Variants in PLAAT1 observed in about 807,000 individuals in gnomAD.
PLAAT1 encodes the protein phospholipase A and acyltransferase 1.
PLAAT1 carries 13 observed loss-of-function variants against 16.4 expected under a neutral mutation model. The observed-to-expected ratio is 0.79, with a 90% CI of 0.52 to 1.26. The LOEUF (loss-of-function observed/expected upper bound fraction) is 1.26, where lower values mean the gene tolerates loss of function less well. PLAAT1 is among the 50% of genes most tolerant of loss of function. The pLI, the probability that PLAAT1 is intolerant of heterozygous loss-of-function variation, is 0.00. For synonymous variants in PLAAT1, 73 were observed against 78.4 expected, an observed-to-expected ratio of 0.93 and a Z score of 0.36; for missense variants, 218 against 207.8, an observed-to-expected ratio of 1.05 and a Z score of -0.30.
chr3:193,256,809 A>T (rs748492383), intron 2 of PLAAT1, among the ~76,000 whole-genome samples: 1 of 152,182 alleles, frequency 6.6e-6, no homozygotes, highest in Non-Finnish European at 1.5e-5. Flanking sequence ...CTGTGTAAGG[A>T]TATTCACTTC....
At chr3:193,254,792 G>T (rs760885800) in intron 1 of PLAAT1, among the ~76,000 whole-genome samples, 25 of 152,266 alleles carry the variant, frequency 1.6e-4, no homozygotes, top group Non-Finnish European at 2.8e-4. Context: ...ATGAAAATCT[G>T]TGATGGCATT....
In PLAAT1 at chr3:193,262,962, C is replaced by G; in HGVS notation, c.140-8C>G. 1 of 1,613,896 alleles carries G rather than the reference C, an allele frequency of 6.2e-7. No individual in the cohort carries two copies. Among genetic ancestry groups the G allele is most frequent in the South Asian group, 1.1e-5 (1 of 91,056 alleles). ...CTATACCTTACTAACCAGAATTCTA[C>G]TTTATAGATGGCATTCCTGCGTCCT... On this transcript the variant is annotated splice_polypyrimidine_tract_variant and splice_region_variant and intron_variant, in intron 2 of 3. Coordinates refer to ENST00000264735, the MANE Select transcript of PLAAT1 (RefSeq NM_020386.5).
chr3:193,241,281 C>A lies in PLAAT1; in HGVS notation c.-253C>A, dbSNP rs1370922507. ...CGCCGAGCCCAGCGCGTCGGCCCCC[C>A]GGCGTGCGGGCGTCTCAGAGCCGCG... On this transcript the variant is annotated 5_prime_UTR_variant, in exon 1 of 4. Coordinates refer to ENST00000264735, the MANE Select transcript of PLAAT1 (RefSeq NM_020386.5). The A allele has an allele frequency of 2.4e-6, 3 of 1,229,974 alleles. No individual in the cohort carries two copies. Among genetic ancestry groups the A allele is most frequent in the East Asian group, 3.2e-5 (1 of 31,612 alleles). 76.2% of individuals were successfully genotyped at this position (1,229,974 alleles called of 1,614,324 possible).
intron 2 of PLAAT1, among the ~76,000 whole-genome samples, chr3:193,260,647 C>T (rs1716550510): frequency 6.6e-6 from 1 of 151,882 alleles, no homozygotes; most frequent in Admixed American, 6.6e-5. Flanking sequence ...CAATGAGATA[C>T]CATCTCACAT....
At chr3:193,275,133 TTG>T, downstream of PLAAT1, 1 of 1,614,228 alleles carries the variant, frequency 6.2e-7, no homozygotes, top group East Asian at 2.2e-5. Flanking sequence ...ATAGCCTCCG[TTG>T]ATGTAGAATC....
At chr3:193,273,286 T>G (rs1717049035), downstream of PLAAT1, among the ~76,000 whole-genome samples, 1 of 152,202 alleles carries the variant, frequency 6.6e-6, no homozygotes, top group Non-Finnish European at 1.5e-5. Context: ...AAATCTCTTC[T>G]TTTTAAAACT....
At chr3:193,280,652 A>G (rs1471011027), downstream of PLAAT1, among the ~76,000 whole-genome samples, 6 of 152,136 alleles carry the variant, frequency 3.9e-5, no homozygotes, top group Non-Finnish European at 5.9e-5. Context: ...CTCTGTTCTT[A>G]TTTCCAACCT....
downstream of PLAAT1, among the ~76,000 whole-genome samples, chr3:193,280,360 T>TTAAA (rs1717431779): frequency 6.6e-6 from 1 of 152,074 alleles, no homozygotes; most frequent in South Asian, 2.1e-4. Context: ...CTCCAATTTT[T>TTAAA]CTTAAACCAG....
chr3:193,265,754 G>A (rs1716757355), intron 3 of PLAAT1, among the ~76,000 whole-genome samples: 1 of 151,240 alleles, frequency 6.6e-6, no homozygotes, highest in Non-Finnish European at 1.5e-5. Context: ...ATTAGGAAAT[G>A]TATTAACATA....
intron 2 of PLAAT1, among the ~76,000 whole-genome samples, chr3:193,259,535 G>A (rs947532476): frequency 6.6e-6 from 1 of 152,034 alleles, no homozygotes; most frequent in African/African-American, 2.4e-5. Flanking sequence ...AAATTTTTAG[G>A]ATACAAAATC....
intron 3 of PLAAT1, among the ~76,000 whole-genome samples, chr3:193,264,579 C>G (rs1451401779): frequency 2.0e-5 from 3 of 152,002 alleles, no homozygotes; most frequent in Non-Finnish European, 4.4e-5. Context: ...TCTCAGCTCA[C>G]TGCAACCTCC....
chr3:193,263,183 A>T lies in PLAAT1; in HGVS notation c.353A>T (p.Asn118Ile). ...QEVAYNLLVN[N>I]CEHFVTLLRY... ...GTGGCCTATAACTTACTTGTCAACA[A>T]CTGTGAACATTTTGTGACATTGCTT... The change falls in exon 3 of 4, where the codon AAC (asparagine) becomes ATC (isoleucine). Residue 118 changes from asparagine to isoleucine, a missense_variant. Coordinates refer to ENST00000264735, the MANE Select transcript of PLAAT1 (RefSeq NM_020386.5). 6.2e-7 allele frequency: 1 copy of T among 1,614,200 alleles called. No homozygotes were observed. Among genetic ancestry groups the T allele is most frequent in the East Asian group, 2.2e-5 (1 of 44,886 alleles).
chr3:193,270,972 C>G, downstream of PLAAT1: 1 of 467,560 alleles, frequency 2.1e-6, no homozygotes, highest in Non-Finnish European at 3.0e-6. Flanking sequence ...AATCTCATCA[C>G]ATTTTATTTC....
intron 3 of PLAAT1, among the ~76,000 whole-genome samples, chr3:193,264,360 T>C (rs1329237100): frequency 2.0e-5 from 3 of 152,234 alleles, no homozygotes; most frequent in Non-Finnish European, 4.4e-5. Flanking sequence ...TTCAAATTTA[T>C]TGTGGTTTTG....
intron 2 of PLAAT1, among the ~76,000 whole-genome samples, chr3:193,256,184 G>A (rs113042554): frequency 1.1e-4 from 17 of 152,270 alleles, no homozygotes; most frequent in African/African-American, 2.9e-4. Context: ...GTATACAGAC[G>A]TCTCCCTGCA....
At chr3:193,279,485 G>A, downstream of PLAAT1, 2 of 1,559,034 alleles carry the variant, frequency 1.3e-6, no homozygotes, top group Non-Finnish European at 1.8e-6. Flanking sequence ...ATTTTTAGAT[G>A]TTAAAAGAAT....
chr3:193,275,721 T>C (rs1457036427), downstream of PLAAT1, among the ~76,000 whole-genome samples: 2 of 152,216 alleles, frequency 1.3e-5, no homozygotes, highest in East Asian at 3.8e-4. Flanking sequence ...ATCAAATGTT[T>C]ATTGGTTTTC....
downstream of PLAAT1, chr3:193,275,014 T>C: frequency 4.3e-6 from 7 of 1,611,954 alleles, no homozygotes; most frequent in Non-Finnish European, 5.9e-6. Context: ...AAAGCAATGC[T>C]GTTGAGCATG....
At chr3:193,254,373 A>G (rs536786955) in intron 1 of PLAAT1, among the ~76,000 whole-genome samples, 2 of 152,132 alleles carry the variant, frequency 1.3e-5, no homozygotes, top group Non-Finnish European at 2.9e-5. Context: ...GGAAGTTTCT[A>G]TTTCTGGCAT....
Sources: gnomAD v4.1 joint callset for allele counts (sites outside exome capture counted in the v4.1 genomes callset) on GRCh38, gnomAD v4.1.1 for gene constraint, MANE v1.5 for transcripts, NCBI Gene and HGNC (gene_info 2026-07-23, HGNC 2026-07-21) for gene names.